The following ARHGEF10 variants were observed in gnomAD, a reference collection of about 807,000 sequenced individuals.
The protein encoded by ARHGEF10 is Rho guanine nucleotide exchange factor 10, also known as Rho guanine nucleotide exchange factor (GEF) 10.
In ARHGEF10, 140 loss-of-function variants were observed where a neutral mutation model predicts 147.4. The observed-to-expected ratio is 0.95, with a 90% CI of 0.83 to 1.09. ARHGEF10 has a LOEUF of 1.09. Among genes scored for constraint, ARHGEF10 ranks in the 50% least tolerant of loss-of-function variants. The pLI is 0.00. For missense variants in ARHGEF10, 2,222 were observed against 1,752.7 expected (o/e 1.27, Z -4.78); for synonymous variants, 902 against 695.8 (o/e 1.30, Z -4.67).
chr8:1,857,804 C>T (rs1211502383), intron 2 of ARHGEF10, among the ~76,000 whole-genome samples, 156 bp from the exon 3 acceptor site: 1 of 152,030 alleles, frequency 6.6e-6, no homozygotes, highest in Admixed American at 6.6e-5. Context: ...TATTTTGCCC[C>T]TTAAAAAGGT....
In ARHGEF10 at chr8:1,840,544, G is replaced by A. The variant is rs77159763; in HGVS notation, c.-47-2809G>A. On this transcript the variant is annotated intron_variant, in intron 1 of 28. Coordinates refer to ENST00000349830, the MANE Select transcript of ARHGEF10 (RefSeq NM_014629.4). ...AATCTGTCCGGTGTGGGGACTGTCC[G>A]GTGTGGAAGCTGTCTGATATGGGGA... Among the ~76,000 whole-genome samples the A allele has an allele frequency of 1.5e-4, 20 of 129,766 alleles. 1 individual carries two copies. The highest frequency in any genetic ancestry group is 3.0e-4 in the Non-Finnish European group (18 of 59,226). 85.1% of individuals were successfully genotyped at this position (129,766 alleles called of 152,430 possible). A position where few individuals can be genotyped will look rare whatever the true frequency, so the allele number is the denominator to read the frequency against.
chr8:1,865,414 T>C lies in ARHGEF10; in HGVS notation c.545+978T>C, dbSNP rs111266817. Among the ~76,000 whole-genome samples, 1,380 of 136,248 alleles carry C rather than the reference T, an allele frequency of 0.01. 58 individuals are homozygous for C. The East Asian group carries it at 0.15, about 15-fold the overall frequency. The allele number at this position is 136,248 out of a possible 152,430, so 89.4% of individuals were successfully genotyped here. A position where few individuals can be genotyped will look rare whatever the true frequency, so the allele number is the denominator to read the frequency against. On this transcript the variant is annotated intron_variant, in intron 5 of 28. Transcript: ENST00000349830. ...CACCCAGGGGGTGGTCACCAGGACA[T>C]GGGGCATCCCCCAGCACCCAGGGGG...
intron 10 of ARHGEF10, among the ~76,000 whole-genome samples, chr8:1,884,771 T>A (rs1421702887): frequency 6.6e-6 from 1 of 152,144 alleles, no homozygotes; most frequent in Non-Finnish European, 1.5e-5. Flanking sequence ...GTAGGCGTTT[T>A]CTTGTTTTTT....
At chr8:1,825,618 C>G (rs888534796) in intron 1 of ARHGEF10, among the ~76,000 whole-genome samples, 4 of 151,966 alleles carry the variant, frequency 2.6e-5, no homozygotes, top group African/African-American at 7.3e-5. Context: ...CCCAGCCCCA[C>G]TCCCCTTCCA....
intron 2 of ARHGEF10, among the ~76,000 whole-genome samples, chr8:1,855,768 C>T (rs992670788): frequency 3.9e-5 from 6 of 152,246 alleles, no homozygotes; most frequent in Non-Finnish European, 7.4e-5. Flanking sequence ...ATTTGGCAAA[C>T]ATGATTTTTT....
At chr8:1,898,302 C>A in intron 14 of ARHGEF10, 131 bp from the exon 15 acceptor site, 1 of 803,610 alleles carries the variant, frequency 1.2e-6, no homozygotes, top group Non-Finnish European at 2.1e-6. Flanking sequence ...CAAGTTTCTT[C>A]TTGTAGCTGA....
intron 26 of ARHGEF10, 116 bp from the exon 27 acceptor site, chr8:1,945,365 C>A: frequency 8.0e-7 from 1 of 1,256,712 alleles, no homozygotes; most frequent in Non-Finnish European, 1.1e-6. Flanking sequence ...TGGAGCAAAG[C>A]CTGCTACTGT....
At chr8:1,926,907 G>C in intron 23 of ARHGEF10, 5 of 292,350 alleles carry the variant, frequency 1.7e-5, no homozygotes, top group South Asian at 1.6e-4. Flanking sequence ...CCTGGTTCTT[G>C]CAAACCAGAG....
chr8:1,929,597 C>A (rs573792650), intron 25 of ARHGEF10, among the ~76,000 whole-genome samples, 154 bp downstream of exon 25: 150 of 152,054 alleles, frequency 9.9e-4, no homozygotes, highest in Non-Finnish European at 1.7e-3. Context: ...GGCCCGGGTG[C>A]CTTGCTTCTT....
intron 2 of ARHGEF10, among the ~76,000 whole-genome samples, chr8:1,851,822 G>T (rs1262379114): frequency 6.6e-6 from 1 of 152,030 alleles, no homozygotes; most frequent in Non-Finnish European, 1.5e-5. Context: ...GCTGAGGTGG[G>T]AGGATTGCTT....
chr8:1,827,386 G>T (rs1234897139), intron 1 of ARHGEF10, among the ~76,000 whole-genome samples: 2 of 152,112 alleles, frequency 1.3e-5, no homozygotes, highest in African/African-American at 4.8e-5. Context: ...TCGGCTTGCT[G>T]CAGTCTTTGC....
chr8:1,937,211 T>A lies in ARHGEF10; in HGVS notation c.3222+3269T>A, dbSNP rs1585609418. 6.6e-6 allele frequency among the ~76,000 whole-genome samples: 1 copy of A among 152,194 alleles called. No homozygotes were observed. Among genetic ancestry groups the A allele is most frequent in the East Asian group, 1.9e-4 (1 of 5,180 alleles). ...TCCATCTGACACTTCTTATTTCACG[T>A]GCCCTGAGAATGAGAAGCCTTCAGT... is the stretch of plus-strand genomic sequence containing the variant. On this transcript the variant is annotated intron_variant, in intron 26 of 28. Transcript: ENST00000349830. This position sits in a 1 kb window ranked among gnomAD's most constrained non-coding sequence, Gnocchi z 4.9.
chr8:1,865,976 T>C (rs11136437), intron 5 of ARHGEF10, among the ~76,000 whole-genome samples: 80,660 of 152,036 alleles, frequency 0.53, 21,499 homozygotes, highest in East Asian at 0.69. Context: ...TCCTTCCGAG[T>C]GGAGCATTCC....
At chr8:1,844,018 G>A (rs1804306281) in intron 2 of ARHGEF10, among the ~76,000 whole-genome samples, 1 of 152,224 alleles carries the variant, frequency 6.6e-6, no homozygotes, top group Non-Finnish European at 1.5e-5. Flanking sequence ...TGGAGAAGGT[G>A]GACACTGACC....
Position 1,860,086 on chromosome 8 carries a change from C to G in ARHGEF10, c.383C>G (p.Pro128Arg). 1 of 1,614,104 alleles carries G rather than the reference C, an allele frequency of 6.2e-7. No homozygotes were observed. Residue 128 changes from proline to arginine, a missense_variant, in exon 4 of 29, where the codon CCT becomes CGT. Transcript: ENST00000349830. ...GLHVPCGYLV[P>R]VPCGYAVPSN... ...CATGTGCCCTGCGGGTACTTGGTGC[C>G]TGTACCCTGCGGCTATGCGGTGCCC...
intron 11 of ARHGEF10, among the ~76,000 whole-genome samples, chr8:1,890,574 T>TGGG (rs1809437309): frequency 7.3e-6 from 1 of 137,656 alleles, no homozygotes; most frequent in African/African-American, 2.9e-5. Flanking sequence ...AGTCACTGAG[T>TGGG]GTGTAAGGGT....
At chr8:1,878,089 C>T (rs1807859923) in intron 8 of ARHGEF10, among the ~76,000 whole-genome samples, 1 of 152,132 alleles carries the variant, frequency 6.6e-6, no homozygotes, top group Admixed American at 6.5e-5. Context: ...GCTCACCTAC[C>T]CAGTTTCATT....
chr8:1,902,957 A>C (rs1810588768), intron 15 of ARHGEF10, among the ~76,000 whole-genome samples: 1 of 152,216 alleles, frequency 6.6e-6, no homozygotes, highest in African/African-American at 2.4e-5. Flanking sequence ...GTCTGACTCA[A>C]CTTGAGAAGG....
In ARHGEF10 at chr8:1,845,423, C is replaced by G. The variant is rs979905562; in HGVS notation, c.37+1987C>G. Among the ~76,000 whole-genome samples the G allele has an allele frequency of 5.4e-4, 82 of 152,350 alleles. 1 individual carries two copies. The highest frequency in any genetic ancestry group is 1.9e-4 in the Non-Finnish European group (13 of 68,030). On this transcript the variant is annotated intron_variant, in intron 2 of 28. Transcript: ENST00000349830. The stretch of plus-strand genomic sequence containing the variant: ...TCTGTTGCCTCCCCTCCTTCCCACA[C>G]ACATGTAAGATGGCACACCATTAAT...
Sources: gnomAD v4.1 joint callset for allele counts (sites outside exome capture counted in the v4.1 genomes callset) on GRCh38, gnomAD v4.1.1 for gene constraint, Gnocchi (gnomAD v3.1) non-coding constraint, MANE v1.5 for transcripts, NCBI Gene and HGNC (gene_info 2026-07-23, HGNC 2026-07-21) for gene names.